Variants in CSMD1 observed in about 807,000 individuals in gnomAD.
The protein encoded by CSMD1 is CUB and Sushi multiple domains 1, also known as CUB and sushi domain-containing protein 1.
Under a neutral mutation model 417.5 loss-of-function variants are expected in CSMD1, and 213 were observed. The ratio of observed to expected loss-of-function variants is 0.51; its 90% CI spans 0.46 to 0.57. CSMD1 has a LOEUF of 0.57. Among genes scored for constraint, CSMD1 ranks in the 20% least tolerant of loss-of-function variants. CSMD1 has a pLI of 0.00. For synonymous variants in CSMD1, 2,862 were observed against 1,736.8 expected (o/e 1.65, Z -16.11); for missense variants, 6,923 against 4,529.7 (o/e 1.53, Z -15.17).
intron 2 of CSMD1, among the ~76,000 whole-genome samples, chr8:4,536,298 T>C (rs1331132376): frequency 3.3e-5 from 5 of 152,212 alleles, no homozygotes; most frequent in African/African-American, 1.2e-4. Flanking sequence ...AAAAAAAATC[T>C]AGTTTTCTCC....
intron 52 of CSMD1, among the ~76,000 whole-genome samples, chr8:3,015,847 T>C (rs1808785551): frequency 6.6e-6 from 1 of 152,116 alleles, no homozygotes; most frequent in Non-Finnish European, 1.5e-5. Flanking sequence ...GGCGAGAGCG[T>C]GTCAGCATCC....
At chr8:4,104,332 G>C (rs746521191) in intron 3 of CSMD1, among the ~76,000 whole-genome samples, 1 of 152,156 alleles carries the variant, frequency 6.6e-6, no homozygotes, top group East Asian at 1.9e-4. Flanking sequence ...TGAGTGCTTA[G>C]AACACAAAAG....
At chr8:3,569,230 C>G (rs1232117329) in intron 10 of CSMD1, among the ~76,000 whole-genome samples, 4 of 152,108 alleles carry the variant, frequency 2.6e-5, no homozygotes, top group Non-Finnish European at 5.9e-5. Context: ...TTTAGATTTT[C>G]TAACGATAGA....
At chr8:3,067,151 C>A (rs1171017937) in intron 49 of CSMD1, among the ~76,000 whole-genome samples, 2 of 152,152 alleles carry the variant, frequency 1.3e-5, no homozygotes, top group African/African-American at 2.4e-5. Context: ...CACCTCTCGA[C>A]CTGTCTGAGA....
intron 37 of CSMD1, among the ~76,000 whole-genome samples, chr8:3,174,630 GT>G (rs1042586886): frequency 3.3e-4 from 50 of 152,160 alleles, no homozygotes; most frequent in Admixed American, 3.9e-4. Flanking sequence ...CTTAATTACT[GT>G]TTTCTTTTCA....
intron 3 of CSMD1, among the ~76,000 whole-genome samples, chr8:4,154,622 T>A (rs1156895701): frequency 6.6e-6 from 1 of 152,128 alleles, no homozygotes; most frequent in Non-Finnish European, 1.5e-5. Context: ...ACAAAAGGCC[T>A]AAGTAAAAAG....
rs1471633602 is a variant in CSMD1, at chr8:3,445,739, C to G, written c.1561+22973G>C. Among the ~76,000 whole-genome samples, 4 of 151,990 alleles carry G rather than the reference C, an allele frequency of 2.6e-5. No individual in the cohort carries two copies. In the East Asian group the frequency reaches 7.7e-4, roughly 29 times the overall value. ...GAGTTCTGATTTATTCGAATAAAGT[C>G]CACAAGAACAAGAACAAAGCCATGT... On this transcript the variant is annotated intron_variant, in intron 12 of 69. Transcript: ENST00000635120.
intron 5 of CSMD1, among the ~76,000 whole-genome samples, chr8:3,824,469 G>C (rs540739376): frequency 1.3e-5 from 2 of 152,192 alleles, no homozygotes; most frequent in South Asian, 4.1e-4. Flanking sequence ...TGTCCCCTAA[G>C]TGCCGTACCT....
intron 10 of CSMD1, among the ~76,000 whole-genome samples, chr8:3,536,897 T>C (rs1000987252): frequency 6.6e-6 from 1 of 152,220 alleles, no homozygotes; most frequent in African/African-American, 2.4e-5. Flanking sequence ...AAATCTAGTT[T>C]AGAAGGATTT....
chr8:4,451,800 C>G (rs559931388), intron 2 of CSMD1, among the ~76,000 whole-genome samples: 1 of 152,112 alleles, frequency 6.6e-6, no homozygotes, highest in East Asian at 1.9e-4. Flanking sequence ...ACAATGCCAT[C>G]TTAAAGGATG....
intron 7 of CSMD1, among the ~76,000 whole-genome samples, chr8:3,682,983 G>A (rs1799745577): frequency 6.6e-6 from 1 of 152,018 alleles, no homozygotes; most frequent in Admixed American, 6.6e-5. Context: ...ACTCATACGT[G>A]GGAACTGAAC....
chr8:3,199,527 T>C (rs1014374068), intron 33 of CSMD1, among the ~76,000 whole-genome samples, 187 bp downstream of exon 33: 1 of 152,144 alleles, frequency 6.6e-6, no homozygotes, highest in African/African-American at 2.4e-5. Flanking sequence ...AAATATGAGT[T>C]TCAACTGTCA....
intron 2 of CSMD1, among the ~76,000 whole-genome samples, chr8:4,601,772 T>A (rs555359330): frequency 7.9e-5 from 12 of 152,304 alleles, no homozygotes; most frequent in Admixed American, 3.3e-4. Context: ...CCCATTAACT[T>A]TGACCAAATG....
intron 3 of CSMD1, among the ~76,000 whole-genome samples, chr8:4,418,523 A>T (rs899366323): frequency 6.6e-6 from 1 of 152,140 alleles, no homozygotes; most frequent in Non-Finnish European, 1.5e-5. Context: ...GGAGGGGAGA[A>T]AAAAATGCCA....
intron 18 of CSMD1, among the ~76,000 whole-genome samples, chr8:3,378,442 C>CA (rs1385991448): frequency 1.8e-4 from 27 of 151,912 alleles, no homozygotes; most frequent in African/African-American, 6.5e-4. Flanking sequence ...AAAGGCACAG[C>CA]AAAAAAAGAA....
chr8:4,964,709 G>T (rs1159165289), intron 1 of CSMD1, among the ~76,000 whole-genome samples: 1 of 151,886 alleles, frequency 6.6e-6, no homozygotes, highest in Non-Finnish European at 1.5e-5. Context: ...CTCAGTTATG[G>T]TCACTAAGCC....
intron 3 of CSMD1, among the ~76,000 whole-genome samples, chr8:4,057,778 T>G (rs578068650): frequency 6.6e-6 from 1 of 152,152 alleles, no homozygotes; most frequent in East Asian, 1.9e-4. Context: ...CAGCACCATT[T>G]AATAAATAGG....
rs191344703 is a variant in CSMD1, at chr8:4,475,806, T to G, written c.303-55741A>C. On this transcript the variant is annotated intron_variant, in intron 2 of 69. Coordinates refer to ENST00000635120, the MANE Select transcript of CSMD1 (RefSeq NM_033225.6). The stretch of plus-strand genomic sequence containing the variant: ...TTTTGTATTTTTAGTACAGATGGGA[T>G]TTCATTATGTTGACCAGGCTGGTCT... 2.5e-3 allele frequency among the ~76,000 whole-genome samples: 377 copies of G among 152,088 alleles called. 4 individuals carry two copies. Among genetic ancestry groups the G allele is most frequent in the African/African-American group, 8.5e-3 (354 of 41,496 alleles).
intron 5 of CSMD1, among the ~76,000 whole-genome samples, chr8:3,799,288 G>A (rs1242000637): frequency 1.3e-5 from 2 of 150,854 alleles, no homozygotes; most frequent in East Asian, 3.9e-4. Flanking sequence ...GGGTACATGT[G>A]CACAATGTGC....
Sources: gnomAD v4.1 joint callset for allele counts (sites outside exome capture counted in the v4.1 genomes callset) on GRCh38, gnomAD v4.1.1 for gene constraint, MANE v1.5 for transcripts, NCBI Gene and HGNC (gene_info 2026-07-23, HGNC 2026-07-21) for gene names.